The following NANS variants were observed in gnomAD, a reference collection of about 807,000 sequenced individuals.
NANS encodes N-acetylneuraminate-9-phosphate synthase.
Under a neutral mutation model 33.3 loss-of-function variants are expected in NANS, and 29 were observed. The observed-to-expected ratio is 0.87, with a 90% CI of 0.65 to 1.19. The LOEUF is 1.19. NANS is among the 50% of genes most tolerant of loss of function. The pLI is 0.00. For synonymous variants in NANS, 163 were observed against 177.2 expected, an observed-to-expected ratio of 0.92 and a Z score of 0.64; for missense variants, 394 against 461.1, an observed-to-expected ratio of 0.85 and a Z score of 1.33.
intron 2 of NANS, among the ~76,000 whole-genome samples, chr9:98,063,838 C>A (rs1829056632): frequency 6.6e-6 from 1 of 150,588 alleles, no homozygotes; most frequent in African/African-American, 2.4e-5. Context: ...CCACTGCACC[C>A]AGCCTGTTTT....
At chr9:98,076,812 C>T in intron 2 of NANS, 106 bp from the exon 3 acceptor site, 1 of 845,956 alleles carries the variant, frequency 1.2e-6, no homozygotes. Context: ...CGTCCCTCTA[C>T]TGCCTAAGAT....
rs760144924 is a variant in NANS at position 98,076,909 on chromosome 9, T to C, written c.349-9T>C. On this transcript the variant is annotated splice_polypyrimidine_tract_variant and intron_variant, in intron 2 of 5. Transcript: ENST00000210444. ...TGGTGAAAAGGAGCTCCCTCTTTGA[T>C]TTTTGTAGATGGCAGTTGAATTCCT... 7.6e-5 allele frequency: 122 copies of C among 1,606,094 alleles called. No homozygotes were observed. The highest frequency in any genetic ancestry group is 1.0e-4 in the Non-Finnish European group (117 of 1,175,844).
At position 98,056,752 on chromosome 9, in the gene NANS, C is replaced by A; in HGVS notation, c.-57C>A. 6.4e-7 allele frequency: 1 copy of A among 1,573,806 alleles called. No homozygotes were observed. Among genetic ancestry groups the A allele is most frequent in the Non-Finnish European group, 8.6e-7 (1 of 1,163,452 alleles). ...TGCTCACAGAACAGAGTAGAGGCGG[C>A]GGCGGCGGCGGCCGGACCCAGACTG... is the stretch of plus-strand genomic sequence containing the variant. On this transcript the variant is annotated 5_prime_UTR_variant, in exon 1 of 6. Coordinates refer to ENST00000210444, the MANE Select transcript of NANS (RefSeq NM_018946.4).
intron 2 of NANS, among the ~76,000 whole-genome samples, chr9:98,072,413 A>T (rs1479352967): frequency 3.1e-3 from 404 of 132,142 alleles, no homozygotes; most frequent in African/African-American, 8.1e-3. Flanking sequence ...GGGAAAGTGC[A>T]TTTTTTTTTT....
At chr9:98,059,883 C>G (rs1828928038) in intron 1 of NANS, among the ~76,000 whole-genome samples, 2 of 152,162 alleles carry the variant, frequency 1.3e-5, no homozygotes, top group Admixed American at 1.3e-4. Flanking sequence ...AGCGCCAGTG[C>G]AAAGCAGCTA....
At chr9:98,081,117 C>T (rs376853882) in intron 5 of NANS, 35 bp downstream of exon 5, 20 of 1,609,058 alleles carry the variant, frequency 1.2e-5, no homozygotes, top group African/African-American at 5.3e-5. Context: ...GTTCTGCTGC[C>T]GTGTGTGGAA....
chr9:98,079,533 C>T (rs1317999253), intron 4 of NANS, among the ~76,000 whole-genome samples: 1 of 152,088 alleles, frequency 6.6e-6, no homozygotes, highest in Non-Finnish European at 1.5e-5. Context: ...CTTTCTGTCC[C>T]TCCCAATCCT....
At chr9:98,064,314 C>T (rs1201893002) in intron 2 of NANS, among the ~76,000 whole-genome samples, 1 of 151,944 alleles carries the variant, frequency 6.6e-6, no homozygotes, top group Non-Finnish European at 1.5e-5. Context: ...AGTGCAATGG[C>T]ACGATCTTGG....
Position 98,064,381 on chromosome 9 carries a change from G to A in NANS, c.348+3384G>A, listed in dbSNP as rs866665343. Among the ~76,000 whole-genome samples, 41 of 152,148 alleles carry A rather than the reference G, an allele frequency of 2.7e-4. 1 individual carries two copies. In the Middle Eastern group the frequency reaches 0.014, roughly 50 times the overall value. On this transcript the variant is annotated intron_variant, in intron 2 of 5. Coordinates refer to ENST00000210444, the MANE Select transcript of NANS (RefSeq NM_018946.4). Reference sequence around the variant, plus strand: ...TTATTCTCGTGCCTCAGCCTCCTGAGTAGCTGGGATTACAGGCGCCTGCCA... The same window carrying A: ...TTATTCTCGTGCCTCAGCCTCCTGAATAGCTGGGATTACAGGCGCCTGCCA...
intron 5 of NANS, 130 bp downstream of exon 5, chr9:98,081,212 C>G: frequency 8.1e-7 from 1 of 1,239,658 alleles, no homozygotes. Flanking sequence ...TGTGCTCCCA[C>G]CCGTGTCAGC....
In NANS at chr9:98,067,050, T is replaced by C. The variant is rs115541665; in HGVS notation, c.348+6053T>C. 4.6e-3 allele frequency among the ~76,000 whole-genome samples: 706 copies of C among 152,294 alleles called. 3 individuals carry two copies. The highest frequency in any genetic ancestry group is 0.016 in the African/African-American group (669 of 41,568). ...CGAGCCTGACTTCTTTCATATAACATTGTGTTTTCATTTATGTTGTAGCAT... is the reference window on the plus strand; with the variant it reads ...CGAGCCTGACTTCTTTCATATAACACTGTGTTTTCATTTATGTTGTAGCAT... On this transcript the variant is annotated intron_variant, in intron 2 of 5. Transcript: ENST00000210444.
chr9:98,070,140 G>C (rs1829271298), intron 2 of NANS, among the ~76,000 whole-genome samples: 1 of 152,070 alleles, frequency 6.6e-6, no homozygotes, highest in Non-Finnish European at 1.5e-5. Context: ...TATTTTTTGA[G>C]ACAGAGTCTT....
Position 98,056,772 on chromosome 9 carries a change from A to C in NANS, c.-37A>C. Reference sequence around the variant, plus strand: ...GGCGGCGGCGGCGGCGGCCGGACCCAGACTGGTAGTGAGGCTTTGGACCCC... The same window carrying C: ...GGCGGCGGCGGCGGCGGCCGGACCCCGACTGGTAGTGAGGCTTTGGACCCC... On this transcript the variant is annotated 5_prime_UTR_variant, in exon 1 of 6. Coordinates refer to ENST00000210444, the MANE Select transcript of NANS (RefSeq NM_018946.4). The C allele has an allele frequency of 6.2e-7, 1 of 1,603,374 alleles. No homozygotes were observed. Among genetic ancestry groups the C allele is most frequent in the South Asian group, 1.1e-5 (1 of 90,282 alleles).
chr9:98,079,013 ACT>A (rs761707824), intron 4 of NANS, among the ~76,000 whole-genome samples: 1 of 151,172 alleles, frequency 6.6e-6, no homozygotes, highest in Non-Finnish European at 1.5e-5. Flanking sequence ...TTATTTGCTG[ACT>A]CTCTTATTTT....
chr9:98,073,215 A>G (rs1564161376), intron 2 of NANS, among the ~76,000 whole-genome samples: 1 of 126,790 alleles, frequency 7.9e-6, no homozygotes, highest in Non-Finnish European at 1.6e-5. Flanking sequence ...GGCCCAGCCT[A>G]TTTGTGGCTA....
At chr9:98,060,606 G>A (rs1828945476) in intron 1 of NANS, among the ~76,000 whole-genome samples, 176 bp from the exon 2 acceptor site, 2 of 151,726 alleles carry the variant, frequency 1.3e-5, no homozygotes, top group African/African-American at 4.8e-5. Flanking sequence ...GGAGGCATTG[G>A]TTGTAGTGAG....
chr9:98,073,907 C>G (rs745777244), intron 2 of NANS, among the ~76,000 whole-genome samples: 2 of 152,172 alleles, frequency 1.3e-5, no homozygotes, highest in African/African-American at 4.8e-5. Flanking sequence ...CCACTTCAGC[C>G]TCCTGAGTAG....
At chr9:98,069,604 G>C (rs1829252561) in intron 2 of NANS, 1 of 152,264 alleles carries the variant, frequency 6.6e-6, no homozygotes, top group African/African-American at 2.4e-5. Flanking sequence ...CAGCAGCCTG[G>C]ATGCATCTCA....
At chr9:98,057,920 TG>T (rs1828874564) in intron 1 of NANS, among the ~76,000 whole-genome samples, 1 of 110,578 alleles carries the variant, frequency 9.0e-6, no homozygotes, top group Non-Finnish European at 1.8e-5. Flanking sequence ...TTTTTTTTCC[TG>T]GTTTTTTTTT....
Sources: allele counts gnomAD v4.1 joint callset (sites outside exome capture counted in the v4.1 genomes callset), GRCh38; gene constraint gnomAD v4.1.1; transcripts MANE v1.5; gene names NCBI Gene and HGNC (gene_info 2026-07-23, HGNC 2026-07-21).